The following SLC17A5 variants were observed in gnomAD, a reference collection of about 807,000 sequenced individuals.
SLC17A5 encodes the protein sialin.
In SLC17A5, 47 loss-of-function variants were observed where a neutral mutation model predicts 59.4. That is an observed-to-expected ratio of 0.79 (90% CI 0.63 to 1.01). The LOEUF is 1.01. Among genes scored for constraint, SLC17A5 ranks in the 50% least tolerant of loss-of-function variants. SLC17A5 has a pLI of 0.00. For missense variants in SLC17A5, 522 were observed against 595.5 expected (o/e 0.88, Z 1.28); for synonymous variants, 202 against 210.7 (o/e 0.96, Z 0.36).
intron 1 of SLC17A5, chr6:73,653,517 C>T: frequency 1.0e-6 from 1 of 969,652 alleles, no homozygotes; most frequent in South Asian, 4.8e-5. Flanking sequence ...CCCGCCCCCG[C>T]CCCCGCCCCC....
chr6:73,602,855 A>T (rs1254914088), intron 9 of SLC17A5, among the ~76,000 whole-genome samples: 1 of 152,074 alleles, frequency 6.6e-6, no homozygotes, highest in Non-Finnish European at 1.5e-5. Context: ...GAAAGTTCTG[A>T]GATATCATTT....
At chr6:73,613,100 GTTCT>G (rs1488495001) in intron 8 of SLC17A5, among the ~76,000 whole-genome samples, 1 of 152,020 alleles carries the variant, frequency 6.6e-6, no homozygotes, top group Non-Finnish European at 1.5e-5. Flanking sequence ...TTATTTATGG[GTTCT>G]TTGAGTTCTT....
intron 6 of SLC17A5, among the ~76,000 whole-genome samples, chr6:73,632,066 G>T (rs1768750395): frequency 1.3e-5 from 2 of 150,114 alleles, no homozygotes; most frequent in Non-Finnish European, 1.5e-5. Flanking sequence ...CATTTTGGGA[G>T]TCTTAGGCAG....
At chr6:73,598,996 C>A (rs1054316242) in intron 10 of SLC17A5, among the ~76,000 whole-genome samples, 16 of 149,448 alleles carry the variant, frequency 1.1e-4, no homozygotes, top group East Asian at 2.0e-4. Context: ...AAAAAAAAAA[C>A]CAAAAAACAC....
chr6:73,600,426 G>A lies in SLC17A5; in HGVS notation c.1275C>T (p.Leu425=). 6.2e-7 allele frequency: 1 copy of A among 1,613,574 alleles called. No homozygotes were observed. The highest frequency in any genetic ancestry group is 8.5e-7 in the Non-Finnish European group (1 of 1,179,572). The change falls in exon 10 of 11, where the codon CTC becomes CTT. Residue 425 remains leucine, a synonymous_variant. Coordinates refer to ENST00000355773, the MANE Select transcript of SLC17A5 (RefSeq NM_012434.5). ...LDIAPSYAGI[L]LGITNTFATI... Reference sequence around the variant, plus strand: ...TGGCAAATGTATTTGTGATGCCCAGGAGGATACCAGCATACCTGTAGAAAC... The same window carrying A: ...TGGCAAATGTATTTGTGATGCCCAGAAGGATACCAGCATACCTGTAGAAAC...
rs628038 is a variant in SLC17A5 at position 73,615,534 on chromosome 6, T to C, written c.979-87A>G. 504,524 of 1,331,746 alleles carry C rather than the reference T, an allele frequency of 0.38. 99,345 individuals are homozygous for C. Among genetic ancestry groups the C allele is most frequent in the African/African-American group, 0.57 (39,469 of 69,174 alleles). The allele number at this position is 1,331,746 out of a possible 1,614,324, so 82.5% of individuals were successfully genotyped here. On this transcript the variant is annotated intron_variant, in intron 7 of 10. Transcript: ENST00000355773. The stretch of plus-strand genomic sequence containing the variant: ...TTCATCACAGCCAATGACCACCACT[T>C]GAAAGCAAAGGAAATGCATAGCAAT...
intron 4 of SLC17A5, 146 bp from the exon 5 acceptor site, chr6:73,636,853 G>C (rs1453514920): frequency 2.9e-6 from 2 of 679,142 alleles, no homozygotes; most frequent in Non-Finnish European, 5.4e-6. Flanking sequence ...GGCTGATGTG[G>C]GTGGATCACC....
At position 73,635,438 on chromosome 6, in the gene SLC17A5, G is replaced by A; in HGVS notation, c.763C>T (p.His255Tyr). ...IWLVSDTPQK[H>Y]KRISHYEKEY... ...TTTTCATAATGGGAAATTCTCTTGTGTTTTTGTGGTGTGTCACTAACTAAC... is the reference window on the plus strand; with the variant it reads ...TTTTCATAATGGGAAATTCTCTTGTATTTTTGTGGTGTGTCACTAACTAAC... The change falls in exon 6 of 11, where the codon CAC becomes TAC. Residue 255 changes from histidine (H) to tyrosine (Y), a missense_variant. Around this residue, in one of 3 missense-constraint regions of SLC17A5, gnomAD observed 338 missense variants for 363.8 expected, o/e 0.93. Transcript: ENST00000355773. 2 of 1,609,596 alleles carry A rather than the reference G, an allele frequency of 1.2e-6. No individual in the cohort carries two copies. Among genetic ancestry groups the A allele is most frequent in the Non-Finnish European group, 1.7e-6 (2 of 1,177,300 alleles).
chr6:73,599,879 C>A (rs1356042520), intron 10 of SLC17A5, among the ~76,000 whole-genome samples: 1 of 151,880 alleles, frequency 6.6e-6, no homozygotes, highest in Non-Finnish European at 1.5e-5. Context: ...TTACTGCAAC[C>A]TCCGCCTCCT....
intron 8 of SLC17A5, among the ~76,000 whole-genome samples, chr6:73,613,633 A>T (rs1691349): frequency 0.1 from 15,706 of 152,242 alleles, 957 homozygotes; most frequent in Middle Eastern, 0.18. Flanking sequence ...AAGTGCTAGG[A>T]TTACAGGCAT....
At chr6:73,627,153 T>C (rs1768461142) in intron 6 of SLC17A5, among the ~76,000 whole-genome samples, 1 of 151,890 alleles carries the variant, frequency 6.6e-6, no homozygotes, top group Admixed American at 6.6e-5. Context: ...CTCGGCTCAC[T>C]GCAACCTCCA....
At chr6:73,617,950 G>T (rs1234294623) in intron 7 of SLC17A5, among the ~76,000 whole-genome samples, 1 of 150,992 alleles carries the variant, frequency 6.6e-6, no homozygotes, top group Non-Finnish European at 1.5e-5. Flanking sequence ...CAATTTTTTT[G>T]CAGGCGCATT....
chr6:73,618,475 A>G (rs998660450), intron 7 of SLC17A5: 3 of 460,626 alleles, frequency 6.5e-6, no homozygotes, highest in African/African-American at 4.1e-5. Context: ...TAAAATCATC[A>G]CGGTCTTTAC....
intron 9 of SLC17A5, among the ~76,000 whole-genome samples, chr6:73,608,847 C>T (rs927927376): frequency 1.3e-5 from 2 of 152,142 alleles, no homozygotes; most frequent in Non-Finnish European, 2.9e-5. Flanking sequence ...GAGACCCCAT[C>T]TCTACAAAAT....
chr6:73,617,028 T>C (rs948197737), intron 7 of SLC17A5, among the ~76,000 whole-genome samples: 1 of 151,450 alleles, frequency 6.6e-6, no homozygotes, highest in Non-Finnish European at 1.5e-5. Flanking sequence ...CAGTGGCTCA[T>C]GCCTGTAATC....
intron 8 of SLC17A5, among the ~76,000 whole-genome samples, 178 bp from the exon 9 acceptor site, chr6:73,610,725 C>T (rs1277512723): frequency 6.6e-6 from 1 of 151,890 alleles, no homozygotes; most frequent in African/African-American, 2.4e-5. Flanking sequence ...GGGCGTAATA[C>T]AACTAATATA....
intron 7 of SLC17A5, among the ~76,000 whole-genome samples, chr6:73,619,538 C>A (rs1768041637): frequency 6.7e-6 from 1 of 149,122 alleles, no homozygotes; most frequent in Admixed American, 6.7e-5. Flanking sequence ...TTAAAAAAAA[C>A]AAAAACAAAA....
At chr6:73,643,301 C>T (rs2150119774) in intron 2 of SLC17A5, among the ~76,000 whole-genome samples, 1 of 150,402 alleles carries the variant, frequency 6.6e-6, no homozygotes, top group South Asian at 2.1e-4. Flanking sequence ...GCTGGGACCA[C>T]AGGCGCCCAC....
At chr6:73,619,918 ATTTGT>A (rs1768058065) in intron 7 of SLC17A5, among the ~76,000 whole-genome samples, 1 of 142,238 alleles carries the variant, frequency 7.0e-6, no homozygotes, top group Non-Finnish European at 1.5e-5. Flanking sequence ...GATTTTGAGA[ATTTGT>A]TTTTTTTTTT....
Sources: gnomAD v4.1 joint callset for allele counts (sites outside exome capture counted in the v4.1 genomes callset) on GRCh38, gnomAD v4.1.1 for gene constraint, gnomAD v4.1.1 regional missense constraint, MANE v1.5 for transcripts, NCBI Gene and HGNC (gene_info 2026-07-23, HGNC 2026-07-21) for gene names.